ASPRV1: variants seen among roughly 807,000 people sequenced by gnomAD.
ASPRV1 encodes retroviral-like aspartic protease 1.
Under a neutral mutation model 11.0 loss-of-function variants are expected in ASPRV1, and 7 were observed. The observed-to-expected ratio is 0.64, with a 90% CI of 0.36 to 1.20. The LOEUF (loss-of-function observed/expected upper bound fraction) is 1.20, where lower values mean the gene tolerates loss of function less well. Ranked by LOEUF, ASPRV1 falls within the 50% of genes most tolerant of loss-of-function variation. The pLI, the probability that ASPRV1 is intolerant of heterozygous loss-of-function variation, is 0.02. For synonymous variants in ASPRV1, 136 were observed against 138.4 expected (o/e 0.98, Z 0.12); for missense variants, 299 against 320.0 (o/e 0.93, Z 0.50).
At chr2:69,964,368 C>T (rs745589926), upstream of ASPRV1, 4 of 455,108 alleles carry the variant, frequency 8.8e-6, no homozygotes, top group African/African-American at 8.0e-5. Flanking sequence ...CTCATGGTTA[C>T]CGTGAGAGCT....
the ASPRV1 span, among the ~76,000 whole-genome samples, chr2:69,936,175 T>C: frequency 5.7e-3 from 875 of 152,206 alleles, 21 homozygotes; most frequent in East Asian, 0.06. Flanking sequence ...CAAGTCTCTC[T>C]AGCTCTGATA....
At chr2:70,020,908 GA>G in the ASPRV1 span, among the ~76,000 whole-genome samples, 2 of 152,066 alleles carry the variant, frequency 1.3e-5, no homozygotes, top group African/African-American at 4.8e-5. Flanking sequence ...TTTTCAAGAT[GA>G]AAAGAATTCT....
the ASPRV1 span, among the ~76,000 whole-genome samples, chr2:70,029,686 C>T: frequency 6.6e-6 from 1 of 152,120 alleles, no homozygotes; most frequent in Non-Finnish European, 1.5e-5. Flanking sequence ...TGGAGGACAT[C>T]AGATTCAACT....
At chr2:69,943,537 A>G in the ASPRV1 span, among the ~76,000 whole-genome samples, 1 of 152,196 alleles carries the variant, frequency 6.6e-6, no homozygotes, top group African/African-American at 2.4e-5. Flanking sequence ...GGGGCATGTC[A>G]AAGGAAAGAC....
the ASPRV1 span, among the ~76,000 whole-genome samples, chr2:70,026,539 T>C: frequency 1.3e-5 from 2 of 151,890 alleles, no homozygotes; most frequent in African/African-American, 2.4e-5. Context: ...CGAAAATCAG[T>C]AGCATTTCTA....
chr2:70,082,095 C>T, the ASPRV1 span, among the ~76,000 whole-genome samples: 4 of 152,068 alleles, frequency 2.6e-5, no homozygotes, highest in Non-Finnish European at 4.4e-5. Flanking sequence ...ATGCCTCAGC[C>T]TCCCGAGTAG....
At chr2:70,036,650 T>C in the ASPRV1 span, among the ~76,000 whole-genome samples, 1 of 152,160 alleles carries the variant, frequency 6.6e-6, no homozygotes, top group African/African-American at 2.4e-5. Flanking sequence ...TAAGTCACTA[T>C]AGTGTCACTT....
chr2:70,001,152 T>G, the ASPRV1 span, among the ~76,000 whole-genome samples: 1 of 152,036 alleles, frequency 6.6e-6, no homozygotes, highest in South Asian at 2.1e-4. Flanking sequence ...TCTACTCTAT[T>G]TAACTTTTTA....
chr2:70,013,879 T>A, the ASPRV1 span, among the ~76,000 whole-genome samples: 1 of 151,248 alleles, frequency 6.6e-6, no homozygotes, highest in Non-Finnish European at 1.5e-5. Flanking sequence ...AAACTCCGTC[T>A]CAAAACAAAC....
the ASPRV1 span, chr2:69,997,892 T>G: frequency 6.6e-6 from 1 of 151,846 alleles, no homozygotes; most frequent in African/African-American, 2.4e-5. Context: ...AAACAACAAT[T>G]GACATTTTTT....
the ASPRV1 span, among the ~76,000 whole-genome samples, chr2:69,944,336 T>C: frequency 1.3e-5 from 2 of 152,368 alleles, no homozygotes; most frequent in Admixed American, 1.3e-4. Context: ...TCACTTGTTA[T>C]GCTGTATGGG....
In ASPRV1 at chr2:69,961,403, G is replaced by A. The variant is rs755538169; in HGVS notation, c.34C>T (p.Arg12Cys). The change falls in exon 1 of 1, where the codon CGC (arginine) becomes TGC (cysteine). Residue 12 changes from arginine to cysteine, a missense_variant. By Grantham distance (180) the Arg-to-Cys change is radical (BLOSUM62 -3). Transcript: ENST00000320256. ...TCCGGGACGAAGGCATGCTGCCGGC[G>A]GCCTTCCTCACTCCTGGCTCCGCTC... ...AGSGARSEEG[R>C]RQHAFVPEPF... 6.3e-5 allele frequency: 102 copies of A among 1,613,928 alleles called. 2 individuals carry two copies. In the South Asian group the frequency reaches 9.8e-4, roughly 15 times the overall value.
chr2:70,052,928 A>C, the ASPRV1 span, among the ~76,000 whole-genome samples: 49 of 152,256 alleles, frequency 3.2e-4, no homozygotes, highest in African/African-American at 9.6e-4. Flanking sequence ...AGGCCACAGG[A>C]GGCCAGAGCT....
the ASPRV1 span, among the ~76,000 whole-genome samples, chr2:70,040,193 T>C: frequency 2.0e-5 from 3 of 152,044 alleles, no homozygotes; most frequent in Non-Finnish European, 4.4e-5. Flanking sequence ...GATGGCATCA[T>C]CTAGAGACAG....
the ASPRV1 span, chr2:70,045,502 AT>A: frequency 6.6e-6 from 1 of 152,228 alleles, no homozygotes; most frequent in Non-Finnish European, 1.5e-5. Flanking sequence ...CCACACAAAT[AT>A]TCCTTTCCTT....
At chr2:70,068,048 C>G in the ASPRV1 span, among the ~76,000 whole-genome samples, 2 of 152,324 alleles carry the variant, frequency 1.3e-5, no homozygotes, top group Admixed American at 6.5e-5. Flanking sequence ...ACCAAGCCCC[C>G]TAAGTCCACA....
chr2:70,022,806 C>G, the ASPRV1 span, among the ~76,000 whole-genome samples: 11 of 151,788 alleles, frequency 7.2e-5, no homozygotes, highest in African/African-American at 2.7e-4. Flanking sequence ...GTATACTCAT[C>G]AAGACACATA....
chr2:69,967,570 G>A, the ASPRV1 span, among the ~76,000 whole-genome samples: 1 of 152,134 alleles, frequency 6.6e-6, no homozygotes, highest in South Asian at 2.1e-4. Flanking sequence ...GGAGAGATTG[G>A]GATAGTCTCT....
chr2:69,982,203 G>A, the ASPRV1 span, among the ~76,000 whole-genome samples: 1 of 151,912 alleles, frequency 6.6e-6, no homozygotes, highest in Non-Finnish European at 1.5e-5. Flanking sequence ...TTAAGGCTAG[G>A]CATGGTGGCT....
Sources: allele counts gnomAD v4.1 joint callset (sites outside exome capture counted in the v4.1 genomes callset), GRCh38; gene constraint gnomAD v4.1.1; transcripts MANE v1.5; gene names NCBI Gene and HGNC (gene_info 2026-07-23, HGNC 2026-07-21).